DLG1: variants seen among roughly 807,000 people sequenced by gnomAD.
DLG1 encodes discs large MAGUK scaffold protein 1.
A neutral mutation model predicts 123.4 loss-of-function variants in DLG1; 42 were observed. The observed-to-expected ratio is 0.34, with a 90% confidence interval of 0.27 to 0.44. The LOEUF (loss-of-function observed/expected upper bound fraction) is 0.44, where lower values mean the gene tolerates loss of function less well. Among genes scored for constraint, DLG1 ranks in the 20% least tolerant of loss-of-function variants. DLG1 has a pLI of 1.00. For synonymous variants in DLG1, 317 were observed against 356.2 expected, an observed-to-expected ratio of 0.89 and a Z score of 1.24; for missense variants, 942 against 1,082.6, an observed-to-expected ratio of 0.87 and a Z score of 1.82.
intron 5 of DLG1, among the ~76,000 whole-genome samples, chr3:197,179,715 A>G (rs1245294453): frequency 3.3e-5 from 5 of 152,136 alleles, no homozygotes; most frequent in Admixed American, 2.0e-4. Flanking sequence ...GAAGTGACTC[A>G]ATGACACTGA....
In DLG1 at chr3:197,108,206, G is replaced by C. The variant is rs186481263; in HGVS notation, c.1444-3201C>G. 3.4e-4 allele frequency among the ~76,000 whole-genome samples: 51 copies of C among 152,228 alleles called. No individual in the cohort carries two copies. In the East Asian group the frequency reaches 9.3e-3, roughly 28 times the overall value. ...TTGTTCATGCTGTTGGATCCAGGTT[G>C]TTATTTTGTTGATTTTTACATCTAT... On this transcript the variant is annotated intron_variant, in intron 13 of 24. Transcript: ENST00000667157.
chr3:197,102,503 G>C (rs1315965278), intron 14 of DLG1, among the ~76,000 whole-genome samples: 1 of 152,190 alleles, frequency 6.6e-6, no homozygotes. Context: ...TGTTGTGTGT[G>C]CGTGTAGCTA....
chr3:197,156,685 T>TA (rs1473837978), intron 5 of DLG1, among the ~76,000 whole-genome samples: 2 of 150,806 alleles, frequency 1.3e-5, no homozygotes, highest in East Asian at 3.9e-4. Context: ...AGACTTTAAA[T>TA]AAAAAAAAGG....
At chr3:197,054,149 T>A (rs1729957999) in intron 23 of DLG1, among the ~76,000 whole-genome samples, 2 of 152,218 alleles carry the variant, frequency 1.3e-5, no homozygotes, top group South Asian at 4.1e-4. Context: ...AAATCCCTTG[T>A]GTGTGGTAAG....
At chr3:197,252,796 T>A (rs535533639) in intron 4 of DLG1, among the ~76,000 whole-genome samples, 1 of 152,232 alleles carries the variant, frequency 6.6e-6, no homozygotes, top group Non-Finnish European at 1.5e-5. Flanking sequence ...TGGTAGTGGC[T>A]GCATCTCATG....
At chr3:197,255,037 CAA>C (rs946033651) in intron 4 of DLG1, among the ~76,000 whole-genome samples, 12 of 151,714 alleles carry the variant, frequency 7.9e-5, no homozygotes, top group African/African-American at 2.9e-4. Context: ...GCCTGGGTGA[CAA>C]GAGCGAGATT....
intron 13 of DLG1, among the ~76,000 whole-genome samples, chr3:197,114,849 G>A (rs966245427): frequency 7.2e-5 from 11 of 152,044 alleles, no homozygotes; most frequent in African/African-American, 1.4e-4. Flanking sequence ...GCGTGGTGGC[G>A]GGTGCCTGTA....
rs2148613121 is a variant in DLG1, at chr3:197,042,636, G to A, written c.*1987C>T. On this transcript the variant is annotated 3_prime_UTR_variant, in exon 25 of 25. Coordinates refer to ENST00000667157, the MANE Select transcript of DLG1 (RefSeq NM_001366207.1). ...AACCACTTGATATTTTACAACATGT[G>A]ACTATTTGGTAAATACTTCAAAATA... 1 of 152,304 alleles carries A rather than the reference G, an allele frequency of 6.6e-6. No individual in the cohort carries two copies. Among genetic ancestry groups the A allele is most frequent in the Non-Finnish European group, 1.5e-5 (1 of 68,024 alleles). 9.4% of individuals were successfully genotyped at this position (152,304 alleles called of 1,614,324 possible). A position where few individuals can be genotyped will look rare whatever the true frequency, so the allele number is the denominator to read the frequency against.
At chr3:197,265,029 G>T (rs1761096895) in intron 4 of DLG1, among the ~76,000 whole-genome samples, 1 of 152,044 alleles carries the variant, frequency 6.6e-6, no homozygotes, top group African/African-American at 2.4e-5. Context: ...CTGTACTCAG[G>T]GAATGATTAT....
intron 5 of DLG1, among the ~76,000 whole-genome samples, chr3:197,160,591 A>G (rs1242994296): frequency 6.6e-6 from 1 of 152,122 alleles, no homozygotes; most frequent in Non-Finnish European, 1.5e-5. Context: ...ATTATATAGT[A>G]GCAGTATTAT....
At chr3:197,174,111 A>C (rs1171581028) in intron 5 of DLG1, among the ~76,000 whole-genome samples, 1 of 152,166 alleles carries the variant, frequency 6.6e-6, no homozygotes, top group Non-Finnish European at 1.5e-5. Context: ...TTATTTACAA[A>C]AACAGGTGGC....
At chr3:197,159,733 T>C (rs1038045579) in intron 5 of DLG1, among the ~76,000 whole-genome samples, 7 of 152,228 alleles carry the variant, frequency 4.6e-5, no homozygotes, top group East Asian at 3.8e-4. Context: ...GGTGCACTCA[T>C]TGGCTTCTCA....
chr3:197,098,577 C>G (rs971385354), intron 14 of DLG1, among the ~76,000 whole-genome samples: 2 of 152,156 alleles, frequency 1.3e-5, no homozygotes, highest in African/African-American at 4.8e-5. Context: ...CTCTGTTGCT[C>G]AGGCCGGAGT....
At chr3:197,288,322 C>T (rs1170699745) in intron 3 of DLG1, among the ~76,000 whole-genome samples, 2 of 139,440 alleles carry the variant, frequency 1.4e-5, no homozygotes, top group African/African-American at 2.7e-5. Context: ...CGAGATTGCA[C>T]CACTACACTC....
chr3:197,053,371 T>C (rs1021666983), intron 23 of DLG1, among the ~76,000 whole-genome samples: 2 of 152,232 alleles, frequency 1.3e-5, no homozygotes, highest in Admixed American at 6.5e-5. Flanking sequence ...TCCCTCATTT[T>C]TGAAGAATAG....
intron 1 of DLG1, chr3:197,297,892 C>T: frequency 1.0e-6 from 1 of 984,812 alleles, no homozygotes; most frequent in Non-Finnish European, 1.2e-6. Flanking sequence ...CACGTACCCC[C>T]GCCCCGCCCG....
intron 4 of DLG1, among the ~76,000 whole-genome samples, chr3:197,234,584 AAACT>A (rs969222197): frequency 6.6e-6 from 1 of 152,244 alleles, no homozygotes; most frequent in Non-Finnish European, 1.5e-5. Flanking sequence ...ATAACATGAA[AAACT>A]AACCTTGGAC....
chr3:197,198,442 A>G (rs1241328716), intron 4 of DLG1, among the ~76,000 whole-genome samples: 1 of 147,850 alleles, frequency 6.8e-6, no homozygotes, highest in African/African-American at 2.5e-5. Context: ...AGTCGAGACC[A>G]GGCCACTGTA....
intron 4 of DLG1, among the ~76,000 whole-genome samples, chr3:197,215,157 GTAT>G (rs1198669246): frequency 6.6e-6 from 1 of 152,040 alleles, no homozygotes; most frequent in African/African-American, 2.4e-5. Flanking sequence ...ATTAAAACTG[GTAT>G]TATTCTAAAG....
Sources: allele counts gnomAD v4.1 joint callset (sites outside exome capture counted in the v4.1 genomes callset), GRCh38; gene constraint gnomAD v4.1.1; transcripts MANE v1.5; gene names NCBI Gene and HGNC (gene_info 2026-07-23, HGNC 2026-07-21).